Variants in NAV3 observed in about 807,000 individuals in gnomAD.
NAV3 encodes pore membrane and/or filament interacting like protein 1.
Under a neutral mutation model 244.7 loss-of-function variants are expected in NAV3, and 87 were observed. The ratio of observed to expected loss-of-function variants is 0.36; its 90% confidence interval spans 0.30 to 0.42. The LOEUF (loss-of-function observed/expected upper bound fraction) is 0.42. NAV3 is among the 20% of genes least tolerant of loss of function. The pLI is 1.00. For missense variants in NAV3, 2,663 were observed against 2,893.3 expected (o/e 0.92, Z 1.83); for synonymous variants, 1,126 against 1,042.2 (o/e 1.08, Z -1.55).
At chr12:77,601,922 G>A (rs1870451994) in intron 2 of NAV3, among the ~76,000 whole-genome samples, 1 of 151,964 alleles carries the variant, frequency 6.6e-6, no homozygotes, top group African/African-American at 2.4e-5. Flanking sequence ...ATGAAGTTTT[G>A]TGAGGAACAA....
chr12:77,612,758 A>T (rs1274653581), intron 2 of NAV3, among the ~76,000 whole-genome samples: 1 of 152,126 alleles, frequency 6.6e-6, no homozygotes, highest in Admixed American at 6.5e-5. Flanking sequence ...AAGAAAAGTG[A>T]TATGATTTGG....
At chr12:78,007,875 G>A (rs1193603260) in intron 8 of NAV3, among the ~76,000 whole-genome samples, 1 of 152,126 alleles carries the variant, frequency 6.6e-6, no homozygotes, top group Non-Finnish European at 1.5e-5. Context: ...GGTTAAAGAG[G>A]CAGCCTCTGA....
intron 2 of NAV3, among the ~76,000 whole-genome samples, chr12:77,745,083 A>G (rs1423189206): frequency 6.6e-6 from 1 of 152,000 alleles, no homozygotes; most frequent in African/African-American, 2.4e-5. Flanking sequence ...AGGAACACTA[A>G]TGTCGCCTCA....
At chr12:77,609,643 C>T (rs1348599783) in intron 2 of NAV3, among the ~76,000 whole-genome samples, 2 of 150,612 alleles carry the variant, frequency 1.3e-5, no homozygotes, top group Non-Finnish European at 3.0e-5. Flanking sequence ...TTTTGAACAA[C>T]TTCCCAGGTG....
At chr12:77,846,884 G>A (rs188364938) in intron 1 of NAV3, among the ~76,000 whole-genome samples, 85 of 151,906 alleles carry the variant, frequency 5.6e-4, no homozygotes, top group African/African-American at 1.9e-3. Flanking sequence ...ACCAGTGTTG[G>A]CAATGAAAAT....
At chr12:77,947,660 C>G (rs1362131532) in intron 3 of NAV3, 2 of 151,856 alleles carry the variant, frequency 1.3e-5, no homozygotes, top group African/African-American at 4.8e-5. Flanking sequence ...TGCTTTATTA[C>G]AAGTAGAGTT....
intron 2 of NAV3, among the ~76,000 whole-genome samples, chr12:77,583,036 AT>A (rs759333394): frequency 1.3e-5 from 2 of 152,188 alleles, no homozygotes; most frequent in Non-Finnish European, 2.9e-5. Context: ...AAAGAGCTTC[AT>A]TTACAAACAT....
At chr12:77,865,494 G>A (rs1297636184) in intron 1 of NAV3, among the ~76,000 whole-genome samples, 1 of 151,960 alleles carries the variant, frequency 6.6e-6, no homozygotes, top group Non-Finnish European at 1.5e-5. Context: ...TGAAATATAA[G>A]AACATATCCT....
At chr12:78,144,455 TG>T (rs112632108) in intron 20 of NAV3, among the ~76,000 whole-genome samples, 24 of 152,074 alleles carry the variant, frequency 1.6e-4, no homozygotes, top group Non-Finnish European at 2.4e-4. Flanking sequence ...CCTAAGCTAC[TG>T]AAAAAAATAT....
At chr12:77,699,280 C>T (rs907504296) in intron 2 of NAV3, among the ~76,000 whole-genome samples, 9 of 152,078 alleles carry the variant, frequency 5.9e-5, no homozygotes, top group Non-Finnish European at 1.0e-4. Flanking sequence ...GACGTTTGTG[C>T]GTTATTCTCA....
chr12:78,035,741 A>G (rs1460749039), intron 9 of NAV3, among the ~76,000 whole-genome samples: 2 of 152,076 alleles, frequency 1.3e-5, no homozygotes, highest in East Asian at 3.9e-4. Flanking sequence ...TTTTGTTTTT[A>G]CAAAAAGGCT....
At chr12:77,971,076 T>A (rs569577110) in intron 5 of NAV3, among the ~76,000 whole-genome samples, 2 of 152,132 alleles carry the variant, frequency 1.3e-5, no homozygotes, top group Non-Finnish European at 2.9e-5. Flanking sequence ...TTTATTTTCC[T>A]ATTCTTCTTG....
chr12:78,149,418 C>G (rs902394629), intron 22 of NAV3, among the ~76,000 whole-genome samples: 5 of 152,042 alleles, frequency 3.3e-5, no homozygotes, highest in African/African-American at 1.2e-4. Flanking sequence ...ACCTTGGCAG[C>G]CTTCTCATAG....
chr12:78,096,153 T>C (rs1954240086), intron 12 of NAV3, among the ~76,000 whole-genome samples: 1 of 152,192 alleles, frequency 6.6e-6, no homozygotes, highest in African/African-American at 2.4e-5. Flanking sequence ...AAGATCAAGC[T>C]GATGAATCAA....
chr12:77,964,079 T>C (rs1185796052), intron 3 of NAV3, among the ~76,000 whole-genome samples: 1 of 150,216 alleles, frequency 6.7e-6, no homozygotes, highest in Non-Finnish European at 1.5e-5. Context: ...TCTCCTTTTC[T>C]TCTTCTTCTC....
At chr12:78,049,951 C>T (rs2137223285) in intron 9 of NAV3, 42 bp from the exon 10 acceptor site, 2 of 1,407,652 alleles carry the variant, frequency 1.4e-6, no homozygotes. Context: ...TTTGAGGATA[C>T]TAAATGTCAT....
chr12:78,188,564 G>C (rs2139848312), intron 32 of NAV3, 45 bp from the exon 33 acceptor site: 2 of 1,576,798 alleles, frequency 1.3e-6, no homozygotes, highest in Non-Finnish European at 1.7e-6. Context: ...TTGTAGATGA[G>C]TTGAACCTCT....
At chr12:78,150,984 T>C (rs879552304) in intron 22 of NAV3, among the ~76,000 whole-genome samples, 14 of 151,912 alleles carry the variant, frequency 9.2e-5, no homozygotes, top group Non-Finnish European at 1.6e-4. Context: ...AGCATATCTG[T>C]GGCTTTAAAA....
intron 11 of NAV3, among the ~76,000 whole-genome samples, chr12:78,054,701 A>G (rs984848457): frequency 1.3e-5 from 2 of 152,190 alleles, no homozygotes; most frequent in African/African-American, 2.4e-5. Context: ...CCAGAGATGG[A>G]CTACCCATGA....
Sources: gnomAD v4.1 joint callset for allele counts (sites outside exome capture counted in the v4.1 genomes callset) on GRCh38, gnomAD v4.1.1 for gene constraint, MANE v1.5 for transcripts, NCBI Gene and HGNC (gene_info 2026-07-23, HGNC 2026-07-21) for gene names.